TSKU: variants seen among roughly 807,000 people sequenced by gnomAD.
TSKU encodes tsukushi.
A neutral mutation model predicts 11.2 loss-of-function variants in TSKU; 4 were observed. The observed-to-expected ratio is 0.36, with a 90% CI of 0.18 to 0.82. The LOEUF (loss-of-function observed/expected upper bound fraction) is 0.82, where lower values mean the gene tolerates loss of function less well. TSKU is among the 40% of genes least tolerant of loss of function. The probability of loss-of-function intolerance (pLI) is 0.50; values close to 1 mark genes in which losing one functional copy is unlikely to be tolerated. For missense variants in TSKU, 407 were observed against 482.5 expected (o/e 0.84, Z 1.47); for synonymous variants, 220 against 232.2 (o/e 0.95, Z 0.48).
chr11:76,782,462 G>A (rs1267871998), upstream of TSKU: 3 of 151,738 alleles, frequency 2.0e-5, no homozygotes, highest in Non-Finnish European at 4.4e-5. Context: ...TGTAGACTGG[G>A]AGCCACCCAC....
At position 76,784,752 on chromosome 11, in the gene TSKU, G is replaced by C. The variant is rs565138555; in HGVS notation, c.-9+1348G>C. Among the ~76,000 whole-genome samples the C allele has an allele frequency of 2.5e-3, 359 of 145,260 alleles. 15 individuals are homozygous for C. Among genetic ancestry groups the C allele is most frequent in the Non-Finnish European group, 4.3e-3 (286 of 67,172 alleles). ...GCCTGGGGCTGACCGGAGGTGGGGG[G>C]GGGGGGGTGCTCAGAGCTGCAGGAG... is the stretch of plus-strand genomic sequence containing the variant. On this transcript the variant is annotated intron_variant, in intron 1 of 1. Coordinates refer to ENST00000333090, the MANE Select transcript of TSKU (RefSeq NM_015516.4).
At chr11:76,787,220 C>G (rs1294554694) in intron 1 of TSKU, among the ~76,000 whole-genome samples, 2 of 152,198 alleles carry the variant, frequency 1.3e-5, no homozygotes, top group African/African-American at 4.8e-5. Context: ...AAAACCCTTG[C>G]CCTCTGCCCC....
chr11:76,796,388 G>A lies in TSKU; in HGVS notation c.772G>A (p.Val258Ile). 1.2e-6 allele frequency: 2 copies of A among 1,613,462 alleles called. No homozygotes were observed. The highest frequency in any genetic ancestry group is 1.7e-6 in the Non-Finnish European group (2 of 1,179,990). Reference sequence around the variant, plus strand: ...CTTCCGTGAGCTACCGGGCCTGCAGGTCCTGGACCTGTCGGGCAACCCCAA... The same window carrying A: ...CTTCCGTGAGCTACCGGGCCTGCAGATCCTGGACCTGTCGGGCAACCCCAA... ...SGFRELPGLQ[V>I]LDLSGNPKLN... Residue 258 changes from valine (V) to isoleucine (I), a missense_variant, in exon 2 of 2, where the codon GTC (valine) becomes ATC (isoleucine). Val to Ile is a conservative substitution (Grantham distance 29). Coordinates refer to ENST00000333090, the MANE Select transcript of TSKU (RefSeq NM_015516.4). The surrounding 1 kb of genome is among the most constrained non-coding windows in gnomAD (Gnocchi z 4.1).
chr11:76,795,923 G>A lies in TSKU; in HGVS notation c.307G>A (p.Ala103Thr). Reference sequence around the variant, plus strand: ...CCTGCTCACCAGCATCTCACCCACTGCCTTCTCCCGCCTTCGCTACCTGGA... The same window carrying A: ...CCTGCTCACCAGCATCTCACCCACTACCTTCTCCCGCCTTCGCTACCTGGA... Reference protein sequence around the residue: ...HNLLTSISPTAFSRLRYLESL... With the variant: ...HNLLTSISPTTFSRLRYLESL... Residue 103 changes from alanine to threonine, a missense_variant, in exon 2 of 2, where the codon GCC becomes ACC. Coordinates refer to ENST00000333090, the MANE Select transcript of TSKU (RefSeq NM_015516.4). The A allele has an allele frequency of 6.2e-7, 1 of 1,613,892 alleles. No individual in the cohort carries two copies. The highest frequency in any genetic ancestry group is 2.2e-5 in the East Asian group (1 of 44,872).
chr11:76,794,728 C>T (rs774481426), intron 1 of TSKU, among the ~76,000 whole-genome samples: 2 of 152,124 alleles, frequency 1.3e-5, no homozygotes, highest in Non-Finnish European at 2.9e-5. Flanking sequence ...TCCCCAAAAC[C>T]CATCTGGGAA....
chr11:76,787,689 C>G (rs1944325750), intron 1 of TSKU, among the ~76,000 whole-genome samples: 1 of 152,166 alleles, frequency 6.6e-6, no homozygotes, highest in Non-Finnish European at 1.5e-5. Context: ...GCTCAGTGCT[C>G]AGCTTCAAGG....
Position 76,796,402 on chromosome 11 carries a change from G to A in TSKU, c.786G>A (p.Ser262=), listed in dbSNP as rs147023916. ...CGGGCCTGCAGGTCCTGGACCTGTC[G>A]GGCAACCCCAAGCTTAACTGGGCAG... ...ELPGLQVLDL[S]GNPKLNWAGA... The change falls in exon 2 of 2, where the codon TCG becomes TCA. Residue 262 remains serine, a synonymous_variant. Coordinates refer to ENST00000333090, the MANE Select transcript of TSKU (RefSeq NM_015516.4). The surrounding 1 kb of genome is among the most constrained non-coding windows in gnomAD (Gnocchi z 4.1). 11 of 1,613,360 alleles carry A rather than the reference G, an allele frequency of 6.8e-6. No individual in the cohort carries two copies. In the African/African-American group the frequency reaches 8.0e-5, roughly 12 times the overall value.
intron 1 of TSKU, among the ~76,000 whole-genome samples, chr11:76,788,844 G>C (rs768765126): frequency 5.3e-5 from 8 of 152,176 alleles, no homozygotes; most frequent in Non-Finnish European, 1.0e-4. Context: ...GCAGGGCACC[G>C]CCCCAAGCTG....
intron 1 of TSKU, among the ~76,000 whole-genome samples, chr11:76,783,910 C>T (rs536621869): frequency 2.5e-4 from 38 of 152,236 alleles, no homozygotes; most frequent in African/African-American, 8.9e-4. Flanking sequence ...CCCCACCCCC[C>T]CGCTCCCCCG....
At chr11:76,782,937 A>T (rs912077288), upstream of TSKU, 2 of 152,252 alleles carry the variant, frequency 1.3e-5, no homozygotes, top group African/African-American at 4.8e-5. Flanking sequence ...TCTTACTAGC[A>T]ACTAATTCCC....
At chr11:76,795,261 G>A (rs1944424107) in intron 1 of TSKU, among the ~76,000 whole-genome samples, 1 of 152,202 alleles carries the variant, frequency 6.6e-6, no homozygotes, top group African/African-American at 2.4e-5. Flanking sequence ...TTTCAAACTG[G>A]GTTTCCTAAC....
intron 1 of TSKU, among the ~76,000 whole-genome samples, chr11:76,794,595 T>C (rs1242346653): frequency 6.6e-6 from 1 of 152,232 alleles, no homozygotes; most frequent in Admixed American, 6.5e-5. Flanking sequence ...TTTCTTCATC[T>C]GTATAATGGG....
At chr11:76,782,581 C>T (rs1004777046), upstream of TSKU, 1 of 134,886 alleles carries the variant, frequency 7.4e-6, no homozygotes, top group Non-Finnish European at 1.6e-5. Context: ...TTTTTTTTAA[C>T]ATAAAGAGGG....
At chr11:76,788,985 C>G (rs1944338882) in intron 1 of TSKU, among the ~76,000 whole-genome samples, 2 of 152,198 alleles carry the variant, frequency 1.3e-5, no homozygotes, top group Non-Finnish European at 2.9e-5. Flanking sequence ...ACAGAACAGG[C>G]TTTGTTTTGC....
chr11:76,784,593 A>G (rs1320140939), intron 1 of TSKU, among the ~76,000 whole-genome samples: 1 of 152,208 alleles, frequency 6.6e-6, no homozygotes, highest in East Asian at 1.9e-4. Context: ...TGCGGTGGGA[A>G]TAACCCGCGC....
intron 1 of TSKU, among the ~76,000 whole-genome samples, chr11:76,794,154 G>A (rs1203393447): frequency 6.6e-6 from 1 of 152,206 alleles, no homozygotes; most frequent in African/African-American, 2.4e-5. Context: ...CAGGGCCGGG[G>A]TGACGACAGA....
chr11:76,789,333 AT>A (rs1053091199), intron 1 of TSKU, among the ~76,000 whole-genome samples: 2 of 152,246 alleles, frequency 1.3e-5, no homozygotes, highest in Admixed American at 1.3e-4. Context: ...TGCCTCGTGC[AT>A]GGGAGAACTT....
rs1360932582 is a variant in TSKU at position 76,796,377 on chromosome 11, C to CG, written c.764dup (p.Leu256ProfsTer13). ...GCGCCCAGTGGCTTCCGTGAGCTAC[C>CG]GGGCCTGCAGGTCCTGGACCTGTCG... On this transcript the variant is annotated frameshift_variant, in exon 2 of 2. Transcript: ENST00000333090. LOFTEE classifies it high-confidence loss of function. The surrounding 1 kb of genome is among the most constrained non-coding windows in gnomAD (Gnocchi z 4.1). 5 of 1,613,340 alleles carry CG rather than the reference C, an allele frequency of 3.1e-6. No individual in the cohort carries two copies. The highest frequency in any genetic ancestry group is 4.2e-6 in the Non-Finnish European group (5 of 1,179,984).
intron 1 of TSKU, among the ~76,000 whole-genome samples, chr11:76,788,903 A>C (rs1944338065): frequency 6.6e-6 from 1 of 152,226 alleles, no homozygotes; most frequent in Admixed American, 6.5e-5. Flanking sequence ...CAGAGAATTT[A>C]CTGAAGGAGG....
Sources: allele counts gnomAD v4.1 joint callset (sites outside exome capture counted in the v4.1 genomes callset), GRCh38; gene constraint gnomAD v4.1.1; non-coding constraint Gnocchi (gnomAD v3.1); transcripts MANE v1.5; gene names NCBI Gene and HGNC (gene_info 2026-07-23, HGNC 2026-07-21).